Variants in IFT43 observed in about 807,000 individuals in gnomAD.
The protein encoded by IFT43 is intraflagellar transport protein 43 homolog.
Under a neutral mutation model 32.3 loss-of-function variants are expected in IFT43, and 33 were observed. That is an observed-to-expected ratio of 1.02 (90% CI 0.77 to 1.37). The LOEUF (loss-of-function observed/expected upper bound fraction) is 1.37, where lower values mean the gene tolerates loss of function less well. Ranked by LOEUF, IFT43 falls within the 40% of genes most tolerant of loss-of-function variation. IFT43 has a pLI of 0.00. For missense variants in IFT43, 274 were observed against 265.9 expected (o/e 1.03, Z -0.21); for synonymous variants, 93 against 98.2 (o/e 0.95, Z 0.31).
rs1172691924 is a variant in IFT43, at chr14:76,082,368, G to GA, written c.368+1_368+2insA. On this transcript the variant is annotated splice_donor_variant, in intron 6 of 8. Transcript: ENST00000314067. LOFTEE classifies it high-confidence loss of function. ...TTTTGCAGGTGGCAGCCCCTCCCAGGTAGGTTAAATCAGATATGATTGGGG... is the reference window on the plus strand; with the variant it reads ...TTTTGCAGGTGGCAGCCCCTCCCAGGATAGGTTAAATCAGATATGATTGGGG... 1 of 1,586,634 alleles carries GA rather than the reference G, an allele frequency of 6.3e-7. No individual in the cohort carries two copies. Among genetic ancestry groups the GA allele is most frequent in the African/African-American group, 1.3e-5 (1 of 74,340 alleles).
chr14:75,988,341 AAC>A (rs2035569676), intron 1 of IFT43, among the ~76,000 whole-genome samples: 4 of 152,180 alleles, frequency 2.6e-5, no homozygotes, highest in Admixed American at 1.3e-4. Context: ...CAGCCTGGGC[AAC>A]AGAGTGAGAA....
intron 2 of IFT43, among the ~76,000 whole-genome samples, chr14:76,008,815 A>G (rs1421140551): frequency 6.6e-6 from 1 of 152,220 alleles, no homozygotes; most frequent in Non-Finnish European, 1.5e-5. Flanking sequence ...ACAGCTTGGC[A>G]CAGTGTTCAA....
intron 3 of IFT43, among the ~76,000 whole-genome samples, chr14:76,043,807 G>A (rs1354412362): frequency 6.6e-6 from 1 of 152,160 alleles, no homozygotes; most frequent in Non-Finnish European, 1.5e-5. Flanking sequence ...TATCTGCCTG[G>A]AGTTAACATC....
chr14:75,986,391 T>G (rs1279843950), intron 1 of IFT43: 3 of 758,002 alleles, frequency 4.0e-6, no homozygotes, highest in Admixed American at 8.2e-5. Context: ...CGTGAGGGAG[T>G]GATTAGGTGC....
At chr14:76,028,447 A>T (rs1360000752) in intron 3 of IFT43, among the ~76,000 whole-genome samples, 3 of 152,046 alleles carry the variant, frequency 2.0e-5, no homozygotes, top group Non-Finnish European at 4.4e-5. Flanking sequence ...CTTTAAAATC[A>T]TGGACTCATG....
At chr14:76,045,430 A>G (rs988499567) in intron 3 of IFT43, among the ~76,000 whole-genome samples, 1 of 152,234 alleles carries the variant, frequency 6.6e-6, no homozygotes, top group Admixed American at 6.5e-5. Flanking sequence ...TCCTGACTAG[A>G]ATGAGTTCTC....
At chr14:76,059,545 G>A (rs2037090587) in intron 5 of IFT43, 172 bp downstream of exon 5, 6 of 672,964 alleles carry the variant, frequency 8.9e-6, no homozygotes, top group South Asian at 1.6e-5. Flanking sequence ...ACCTCTACCT[G>A]GAGTATCTCT....
intron 5 of IFT43, among the ~76,000 whole-genome samples, chr14:76,072,543 T>C (rs2037340050): frequency 6.6e-6 from 1 of 152,178 alleles, no homozygotes; most frequent in African/African-American, 2.4e-5. Context: ...CTTGCTTGCA[T>C]GCATCTGAAG....
intron 3 of IFT43, 116 bp from the exon 4 acceptor site, chr14:76,058,526 T>A: frequency 8.1e-7 from 1 of 1,239,078 alleles, no homozygotes; most frequent in Admixed American, 1.9e-5. Context: ...TGCAGACAAA[T>A]AAAGCACTTG....
chr14:76,070,717 G>A (rs577890655), intron 5 of IFT43, among the ~76,000 whole-genome samples: 15 of 152,172 alleles, frequency 9.9e-5, no homozygotes, highest in East Asian at 5.8e-4. Flanking sequence ...TCCCCTTGGC[G>A]CTGTCCTCAT....
intron 3 of IFT43, among the ~76,000 whole-genome samples, chr14:76,024,564 G>A (rs1367216828): frequency 6.6e-6 from 1 of 152,224 alleles, no homozygotes; most frequent in Non-Finnish European, 1.5e-5. Flanking sequence ...CATAGGAAGA[G>A]TACTCAGCAT....
At chr14:76,044,955 A>G (rs2036777029) in intron 3 of IFT43, among the ~76,000 whole-genome samples, 1 of 152,194 alleles carries the variant, frequency 6.6e-6, no homozygotes, top group East Asian at 1.9e-4. Flanking sequence ...AGTATATAGC[A>G]CATATAACGT....
At chr14:76,015,854 T>G (rs2036178177) in intron 2 of IFT43, among the ~76,000 whole-genome samples, 1 of 152,224 alleles carries the variant, frequency 6.6e-6, no homozygotes, top group Non-Finnish European at 1.5e-5. Context: ...CAGTCCAGGC[T>G]CAAAGGAGCC....
chr14:75,999,242 T>TTC (rs1566699142), intron 2 of IFT43, among the ~76,000 whole-genome samples: 10 of 14,204 alleles, frequency 7.0e-4, no homozygotes, highest in African/African-American at 3.8e-3. Flanking sequence ...TATATATATA[T>TTC]ATATATATAT....
At chr14:76,062,938 A>AAAAAG (rs1485146040) in intron 5 of IFT43, among the ~76,000 whole-genome samples, 69 of 120,874 alleles carry the variant, frequency 5.7e-4, no homozygotes, top group African/African-American at 1.2e-3. Context: ...AAAAAAAAAA[A>AAAAAG]AAAGAAAATA....
rs369479960 is a variant in IFT43, at chr14:76,008,077, A to G, written c.148-14250A>G. On this transcript the variant is annotated intron_variant, in intron 2 of 8. Transcript: ENST00000314067. ...TTTTTATTATAGGTTATGTGTGAAC[A>G]TTTGGGAAGTGCGACACCAGTAGAG... Among the ~76,000 whole-genome samples the G allele has an allele frequency of 1.2e-3, 188 of 152,274 alleles. 5 individuals carry two copies. The South Asian group carries it at 0.037, about 30-fold the overall frequency.
intron 3 of IFT43, among the ~76,000 whole-genome samples, chr14:76,053,703 A>G (rs959193161): frequency 8.5e-5 from 13 of 152,320 alleles, no homozygotes; most frequent in Admixed American, 7.2e-4. Context: ...AAAATGGCCA[A>G]AGCAATCAGT....
chr14:76,060,243 A>G (rs1303310871), intron 5 of IFT43, among the ~76,000 whole-genome samples: 1 of 152,118 alleles, frequency 6.6e-6, no homozygotes, highest in East Asian at 1.9e-4. Flanking sequence ...TTTGAGGCAG[A>G]GTCTCGCTGT....
At chr14:76,051,237 A>C (rs536058633) in intron 3 of IFT43, among the ~76,000 whole-genome samples, 1 of 148,556 alleles carries the variant, frequency 6.7e-6, no homozygotes, top group East Asian at 2.0e-4. Flanking sequence ...CTAGATGCTA[A>C]ACACATGAGT....
Sources: gnomAD v4.1 joint callset for allele counts (sites outside exome capture counted in the v4.1 genomes callset) on GRCh38, gnomAD v4.1.1 for gene constraint, MANE v1.5 for transcripts, NCBI Gene and HGNC (gene_info 2026-07-23, HGNC 2026-07-21) for gene names.